The following MCTP2 variants were observed in gnomAD, a reference collection of about 807,000 sequenced individuals.
MCTP2 encodes the protein multiple C2 and transmembrane domain-containing protein 2.
MCTP2 carries 132 observed loss-of-function variants against 111.6 expected under a neutral mutation model. The ratio of observed to expected loss-of-function variants is 1.18; its 90% CI spans 1.03 to 1.37. MCTP2 has a LOEUF of 1.37. Among genes scored for constraint, MCTP2 ranks in the 40% most tolerant of loss-of-function variants. The pLI is 0.00. For missense variants in MCTP2, 1,183 were observed against 1,067.9 expected (o/e 1.11, Z -1.50); for synonymous variants, 395 against 387.7 (o/e 1.02, Z -0.22).
intron 21 of MCTP2, among the ~76,000 whole-genome samples, chr15:94,472,342 A>C (rs967696339): frequency 9.9e-5 from 15 of 152,190 alleles, no homozygotes; most frequent in African/African-American, 3.6e-4. Flanking sequence ...AAGCCACTGC[A>C]CTCCAGCCTG....
chr15:94,476,944 G>GA (rs1354293648), intron 22 of MCTP2, 151 bp downstream of exon 22: 1 of 575,910 alleles, frequency 1.7e-6, no homozygotes, highest in African/African-American at 1.9e-5. Context: ...AGAAGTGGCA[G>GA]AAAAATCTTT....
In MCTP2 at chr15:94,482,316, G is replaced by A. The variant is rs530090597; in HGVS notation, c.*3282G>A. The A allele has an allele frequency of 1.3e-5, 2 of 152,266 alleles. No homozygotes were observed. Among genetic ancestry groups the A allele is most frequent in the African/African-American group, 4.8e-5 (2 of 41,550 alleles). 9.4% of individuals were successfully genotyped at this position (152,266 alleles called of 1,614,324 possible). A position where few individuals can be genotyped will look rare whatever the true frequency, so the allele number is the denominator to read the frequency against. On this transcript the variant is annotated 3_prime_UTR_variant, in exon 23 of 23. Transcript: ENST00000357742. ...GCCCTTTGTAGTACTCCTGATAAAT[G>A]AATAACACCCTGGACTTTCAAATAG... is the stretch of plus-strand genomic sequence containing the variant.
At chr15:94,475,341 A>G (rs1375307078) in intron 21 of MCTP2, among the ~76,000 whole-genome samples, 1 of 152,196 alleles carries the variant, frequency 6.6e-6, no homozygotes. Context: ...CTCGGGCACA[A>G]TGGCTGGCTC....
Position 94,298,211 on chromosome 15 carries a change from A to ATTT in MCTP2, c.-55_-54insTTT. The stretch of plus-strand genomic sequence containing the variant: ...TTTTCTGTTTTATAGGAGTCATTGC[A>ATTT]GTTTTCAGTAGAGGTGTACTTCTGA... On this transcript the variant is annotated 5_prime_UTR_variant, in exon 2 of 23. Coordinates refer to ENST00000357742, the MANE Select transcript of MCTP2 (RefSeq NM_001385001.1). 1.5e-6 allele frequency: 2 copies of ATTT among 1,303,040 alleles called. No homozygotes were observed. The highest frequency in any genetic ancestry group is 2.5e-5 in the Admixed American group (1 of 40,442). The allele number at this position is 1,303,040 out of a possible 1,614,324, so 80.7% of individuals were successfully genotyped here.
At chr15:94,244,175 TACGTATGTGTATATGTTTATATACAC>T in intron 1 of MCTP2, among the ~76,000 whole-genome samples, 1 of 146,896 alleles carries the variant, frequency 6.8e-6, no homozygotes, top group Non-Finnish European at 1.5e-5. Context: ...TGTATACACA[TACGTATGTGTATATGTTTATATACAC>T]GTGTATACAC....
intron 4 of MCTP2, among the ~76,000 whole-genome samples, chr15:94,328,350 G>A (rs934785693): frequency 1.6e-4 from 25 of 151,840 alleles, no homozygotes; most frequent in African/African-American, 3.6e-4. Context: ...GGATGGTCTT[G>A]ATCTCCTGAC....
At chr15:94,243,999 T>C (rs1262457707) in intron 1 of MCTP2, among the ~76,000 whole-genome samples, 4 of 146,242 alleles carry the variant, frequency 2.7e-5, no homozygotes, top group African/African-American at 7.5e-5. Flanking sequence ...GTGTATATAT[T>C]TATGCACACA....
intron 1 of MCTP2, among the ~76,000 whole-genome samples, chr15:94,243,827 A>G (rs1401454544): frequency 6.9e-6 from 1 of 145,088 alleles, no homozygotes. Context: ...GTATACACAT[A>G]TGTATATATT....
intron 17 of MCTP2, among the ~76,000 whole-genome samples, chr15:94,431,109 T>C (rs1252908101): frequency 6.6e-6 from 1 of 152,242 alleles, no homozygotes; most frequent in Non-Finnish European, 1.5e-5. Context: ...TTTTGTTTAC[T>C]CTTGTGTCTA....
intron 17 of MCTP2, among the ~76,000 whole-genome samples, chr15:94,416,216 A>G (rs1161543487): frequency 1.3e-5 from 2 of 152,148 alleles, no homozygotes; most frequent in African/African-American, 4.8e-5. Flanking sequence ...GATTCCCTGT[A>G]ATTCAAGATG....
chr15:94,297,565 G>C (rs925214305), intron 1 of MCTP2, among the ~76,000 whole-genome samples: 1 of 151,998 alleles, frequency 6.6e-6, no homozygotes, highest in South Asian at 2.1e-4. Flanking sequence ...TCTTGAAAAC[G>C]TACACTTAAT....
At chr15:94,301,833 CTTTT>C (rs59217006) in intron 2 of MCTP2, among the ~76,000 whole-genome samples, 6 of 129,176 alleles carry the variant, frequency 4.6e-5, no homozygotes, top group African/African-American at 1.1e-4. Flanking sequence ...ATCATTTCTG[CTTTT>C]TTTTTTTTTT....
intron 19 of MCTP2, among the ~76,000 whole-genome samples, chr15:94,452,134 A>C (rs989944040): frequency 1.3e-5 from 2 of 152,192 alleles, no homozygotes; most frequent in African/African-American, 4.8e-5. Context: ...TGTATATAAC[A>C]TCATTTAACT....
intron 1 of MCTP2, among the ~76,000 whole-genome samples, chr15:94,269,270 C>T (rs931484377): frequency 1.3e-5 from 2 of 152,078 alleles, no homozygotes; most frequent in Non-Finnish European, 2.9e-5. Context: ...TAGATTTATT[C>T]TTAAAATGTT....
intron 1 of MCTP2, among the ~76,000 whole-genome samples, chr15:94,258,131 C>T (rs1056164927): frequency 6.7e-6 from 1 of 150,194 alleles, no homozygotes; most frequent in Non-Finnish European, 1.5e-5. Context: ...CTGTCTCGTC[C>T]TCCCAAAGTG....
At chr15:94,351,926 G>A (rs1207592513) in intron 8 of MCTP2, among the ~76,000 whole-genome samples, 1 of 152,102 alleles carries the variant, frequency 6.6e-6, no homozygotes, top group Non-Finnish European at 1.5e-5. Context: ...CCTGGCCTGG[G>A]ACAGATAAGA....
intron 17 of MCTP2, among the ~76,000 whole-genome samples, chr15:94,428,013 A>G (rs886928960): frequency 4.6e-5 from 7 of 152,132 alleles, no homozygotes; most frequent in Admixed American, 2.0e-4. Context: ...CTCTATTTAA[A>G]TTCTGGACAG....
chr15:94,326,334 CAACA>C (rs1344196016), intron 4 of MCTP2, among the ~76,000 whole-genome samples: 1 of 152,124 alleles, frequency 6.6e-6, no homozygotes, highest in Non-Finnish European at 1.5e-5. Flanking sequence ...AATAATGCCA[CAACA>C]AACGTTCTTA....
intron 2 of MCTP2, among the ~76,000 whole-genome samples, chr15:94,307,440 G>A (rs1401877663): frequency 6.6e-6 from 1 of 152,168 alleles, no homozygotes; most frequent in Non-Finnish European, 1.5e-5. Flanking sequence ...AGGGTAGCAG[G>A]AGTGTCCCTG....
Sources: gnomAD v4.1 joint callset for allele counts (sites outside exome capture counted in the v4.1 genomes callset) on GRCh38, gnomAD v4.1.1 for gene constraint, MANE v1.5 for transcripts, NCBI Gene and HGNC (gene_info 2026-07-23, HGNC 2026-07-21) for gene names.